The following LAMA3 variants were observed in gnomAD, a reference collection of about 807,000 sequenced individuals.
LAMA3 encodes laminin subunit alpha-3.
In LAMA3, 281 loss-of-function variants were observed where a neutral mutation model predicts 402.0. That is an observed-to-expected ratio of 0.70 (90% CI 0.63 to 0.77). The LOEUF (loss-of-function observed/expected upper bound fraction) is 0.77. Ranked by LOEUF, LAMA3 falls within the 30% of genes least tolerant of loss-of-function variation. The pLI is 0.00. For synonymous variants in LAMA3, 1,431 were observed against 1,558.4 expected, an observed-to-expected ratio of 0.92 and a Z score of 1.93; for missense variants, 3,840 against 4,215.5, an observed-to-expected ratio of 0.91 and a Z score of 2.47.
intron 2 of LAMA3, among the ~76,000 whole-genome samples, chr18:23,737,583 G>C (rs1218552314): frequency 6.6e-6 from 1 of 152,222 alleles, no homozygotes; most frequent in African/African-American, 2.4e-5. Context: ...CCTGGGATGT[G>C]CCTTCTCATC....
intron 2 of LAMA3, among the ~76,000 whole-genome samples, chr18:23,726,382 C>T (rs571043303): frequency 6.6e-6 from 1 of 152,286 alleles, no homozygotes; most frequent in Middle Eastern, 3.4e-3. Context: ...TGGAGTGAGG[C>T]GAGGGCAGGA....
intron 68 of LAMA3, among the ~76,000 whole-genome samples, chr18:23,941,857 G>A (rs1171869352): frequency 6.6e-6 from 1 of 152,130 alleles, no homozygotes; most frequent in Non-Finnish European, 1.5e-5. Context: ...GCCCACATAT[G>A]GAAAGTACAT....
intron 21 of LAMA3, 47 bp downstream of exon 21, chr18:23,824,612 C>T: frequency 6.2e-7 from 1 of 1,602,178 alleles, no homozygotes; most frequent in Non-Finnish European, 8.5e-7. Flanking sequence ...TTCTTCCTAC[C>T]TCAGAAGTGG....
At chr18:23,810,337 C>G in intron 12 of LAMA3, 29 bp from the exon 13 acceptor site, 1 of 1,613,932 alleles carries the variant, frequency 6.2e-7, no homozygotes, top group Non-Finnish European at 8.5e-7. Context: ...GCAACCCCCG[C>G]CTAAGTCTGA....
chr18:23,936,842 A>G (rs933507381), intron 67 of LAMA3, among the ~76,000 whole-genome samples: 1 of 152,234 alleles, frequency 6.6e-6, no homozygotes, highest in Non-Finnish European at 1.5e-5. Flanking sequence ...AGGAGACTAG[A>G]GAGAGGTAAA....
chr18:23,885,533 G>A (rs1284861324), intron 41 of LAMA3, among the ~76,000 whole-genome samples: 2 of 151,700 alleles, frequency 1.3e-5, no homozygotes, highest in Admixed American at 6.6e-5. Flanking sequence ...AATGACAAAG[G>A]GCTGCAGAAC....
At chr18:23,819,742 T>C in intron 18 of LAMA3, 99 bp from the exon 19 acceptor site, 1 of 1,007,672 alleles carries the variant, frequency 9.9e-7, no homozygotes, top group Non-Finnish European at 1.6e-6. Flanking sequence ...ACTCTGTCAA[T>C]GTGGTGGAGT....
chr18:23,746,072 T>C (rs945028326), intron 2 of LAMA3, among the ~76,000 whole-genome samples: 1 of 152,236 alleles, frequency 6.6e-6, no homozygotes, highest in African/African-American at 2.4e-5. Flanking sequence ...GTTTAGAGTA[T>C]TGCTTTATGA....
intron 8 of LAMA3, among the ~76,000 whole-genome samples, chr18:23,763,749 C>T (rs2062022110): frequency 6.6e-6 from 1 of 152,112 alleles, no homozygotes; most frequent in African/African-American, 2.4e-5. Flanking sequence ...ATCAGTTTCT[C>T]GATTTAAATT....
Position 23,751,017 on chromosome 18 carries a change from T to G in LAMA3, c.784T>G (p.Phe262Val). The G allele has an allele frequency of 3.1e-6, 5 of 1,614,194 alleles. No individual in the cohort carries two copies. Among genetic ancestry groups the G allele is most frequent in the Non-Finnish European group, 4.2e-6 (5 of 1,180,034 alleles). ...FTKATNIRLR[F>V]LRTNTLLGHL... ...CAAGGCAACAAACATCCGCTTGCGT[T>G]TTCTTAGAACCAATACGCTTCTTGG... The change falls in exon 5 of 75, where the codon TTT becomes GTT. Residue 262 changes from phenylalanine (F) to valine (V), a missense_variant. Phe to Val is a conservative substitution (Grantham distance 50). Coordinates refer to ENST00000313654, the MANE Select transcript of LAMA3 (RefSeq NM_198129.4).
intron 1 of LAMA3, among the ~76,000 whole-genome samples, chr18:23,707,640 ACTT>A (rs2060914365): frequency 6.6e-6 from 1 of 151,986 alleles, no homozygotes; most frequent in African/African-American, 2.4e-5. Flanking sequence ...GATGAAGCAA[ACTT>A]CTTTATACAT....
At chr18:23,761,651 G>T (rs956881701) in intron 7 of LAMA3, among the ~76,000 whole-genome samples, 2 of 152,146 alleles carry the variant, frequency 1.3e-5, no homozygotes, top group Non-Finnish European at 1.5e-5. Context: ...AGTAATAGTG[G>T]TAGTAATAAT....
At chr18:23,870,599 A>G (rs1180809550) in intron 37 of LAMA3, among the ~76,000 whole-genome samples, 1 of 152,252 alleles carries the variant, frequency 6.6e-6, no homozygotes, top group Non-Finnish European at 1.5e-5. Flanking sequence ...CAACAGATGA[A>G]TAGACAAAGA....
At chr18:23,935,582 C>T (rs1193468228) in intron 67 of LAMA3, among the ~76,000 whole-genome samples, 5 of 152,136 alleles carry the variant, frequency 3.3e-5, no homozygotes, top group African/African-American at 1.2e-4. Flanking sequence ...TTGCATCCGG[C>T]TTTACCATTT....
intron 37 of LAMA3, among the ~76,000 whole-genome samples, chr18:23,869,970 G>A (rs1244036542): frequency 6.6e-6 from 1 of 151,600 alleles, no homozygotes; most frequent in Middle Eastern, 3.2e-3. Context: ...AGACCAGCCT[G>A]GCTAACATGG....
intron 67 of LAMA3, among the ~76,000 whole-genome samples, chr18:23,934,529 T>C (rs749614726): frequency 5.9e-5 from 9 of 152,190 alleles, no homozygotes; most frequent in African/African-American, 1.2e-4. Flanking sequence ...CAGAACATTG[T>C]GATGAGTTGA....
chr18:23,911,847 T>A (rs556294785), intron 55 of LAMA3, among the ~76,000 whole-genome samples: 8 of 146,802 alleles, frequency 5.4e-5, no homozygotes, highest in Admixed American at 2.1e-4. Context: ...TGTTATATAA[T>A]TATATCTGCT....
intron 62 of LAMA3, among the ~76,000 whole-genome samples, chr18:23,921,979 T>C (rs938261914): frequency 2.0e-5 from 3 of 152,220 alleles, no homozygotes; most frequent in African/African-American, 7.2e-5. Flanking sequence ...GGTTGCCACC[T>C]TCAGGGAGCC....
chr18:23,756,284 G>A (rs1016502867), intron 6 of LAMA3, among the ~76,000 whole-genome samples: 1 of 151,922 alleles, frequency 6.6e-6, no homozygotes, highest in African/African-American at 2.4e-5. Context: ...ACAGCCAAGA[G>A]CCTTCTTAGA....
Sources: allele counts gnomAD v4.1 joint callset (sites outside exome capture counted in the v4.1 genomes callset), GRCh38; gene constraint gnomAD v4.1.1; transcripts MANE v1.5; gene names NCBI Gene and HGNC (gene_info 2026-07-23, HGNC 2026-07-21).